EYA1: variants seen among roughly 807,000 people sequenced by gnomAD.
EYA1 encodes protein phosphatase EYA1.
EYA1 carries 16 observed loss-of-function variants against 82.0 expected under a neutral mutation model. That is an observed-to-expected ratio of 0.20 (90% CI 0.13 to 0.30). The LOEUF is 0.30. EYA1 is among the 10% of genes least tolerant of loss of function. EYA1 has a pLI of 1.00. For missense variants in EYA1, 633 were observed against 730.7 expected (o/e 0.87, Z 1.54); for synonymous variants, 261 against 264.4 (o/e 0.99, Z 0.12).
intron 9 of EYA1, among the ~76,000 whole-genome samples, chr8:71,277,710 T>G (rs538151383): frequency 2.0e-4 from 30 of 152,332 alleles, no homozygotes; most frequent in African/African-American, 6.5e-4. Flanking sequence ...ACAGTGGTAT[T>G]CATGTTTGCA....
chr8:71,259,747 C>T (rs144619052), intron 11 of EYA1, among the ~76,000 whole-genome samples: 15 of 152,268 alleles, frequency 9.9e-5, no homozygotes, highest in Non-Finnish European at 1.9e-4. Context: ...TGTTGTTTAT[C>T]TCTTTTGGGG....
chr8:71,247,348 G>C (rs1319480792), intron 11 of EYA1, among the ~76,000 whole-genome samples: 1 of 152,166 alleles, frequency 6.6e-6, no homozygotes, highest in Non-Finnish European at 1.5e-5. Context: ...TTTTCTGCCA[G>C]CTGACTGACA....
intron 17 of EYA1, among the ~76,000 whole-genome samples, chr8:71,205,492 TC>T (rs2128816886): frequency 6.6e-6 from 1 of 152,312 alleles, no homozygotes; most frequent in South Asian, 2.1e-4. Flanking sequence ...GGTAGAGACT[TC>T]CCACAATCTT....
intron 2 of EYA1, among the ~76,000 whole-genome samples, chr8:71,442,738 G>A (rs1408008745): frequency 2.0e-5 from 3 of 152,076 alleles, no homozygotes; most frequent in Non-Finnish European, 4.4e-5. Context: ...CTACCATAAC[G>A]ATTTACAAAC....
intron 2 of EYA1, among the ~76,000 whole-genome samples, chr8:71,492,725 A>G (rs1274382860): frequency 1.3e-5 from 2 of 152,124 alleles, no homozygotes; most frequent in African/African-American, 2.4e-5. Context: ...TCGACCTCCC[A>G]AAGTGCTGGG....
rs1252065674 is a variant in EYA1 at position 71,198,862 on chromosome 8, ATAAG to A, written c.*474_*477del. 1.2e-5 allele frequency: 2 copies of A among 161,866 alleles called. No individual in the cohort carries two copies. Among genetic ancestry groups the A allele is most frequent in the Non-Finnish European group, 2.7e-5 (2 of 73,180 alleles). The allele number at this position is 161,866 out of a possible 1,614,324, so 10.0% of individuals were successfully genotyped here. On this transcript the variant is annotated 3_prime_UTR_variant, in exon 18 of 18. Transcript: ENST00000340726. Reference sequence around the variant, plus strand: ...CTTTTTAAAAAAAGTCTGTTCATAAATAAGTAGAGATGTACAGATTACCCTGGGT... The same window carrying A: ...CTTTTTAAAAAAAGTCTGTTCATAAATAGAGATGTACAGATTACCCTGGGT...
chr8:71,384,051 G>A (rs1405429004), intron 2 of EYA1, among the ~76,000 whole-genome samples: 1 of 151,614 alleles, frequency 6.6e-6, no homozygotes, highest in Non-Finnish European at 1.5e-5. Context: ...ATCTCAGAGA[G>A]AGCAACTACA....
chr8:71,509,699 G>T (rs1164658854), intron 2 of EYA1, among the ~76,000 whole-genome samples: 1 of 152,126 alleles, frequency 6.6e-6, no homozygotes, highest in East Asian at 1.9e-4. Context: ...ACACGCTTCA[G>T]TAAGGATGTG....
At chr8:71,339,330 C>A (rs892636513) in intron 3 of EYA1, among the ~76,000 whole-genome samples, 2 of 152,156 alleles carry the variant, frequency 1.3e-5, no homozygotes, top group African/African-American at 4.8e-5. Flanking sequence ...GGCAATCTCT[C>A]ATTGTTCACT....
In EYA1 at chr8:71,299,671, G is replaced by A. The variant is rs779794874; in HGVS notation, c.606C>T (p.Leu202=). 5 of 1,595,686 alleles carry A rather than the reference G, an allele frequency of 3.1e-6. No homozygotes were observed. The African/African-American group carries it at 6.7e-5, about 21-fold the overall frequency. The stretch of plus-strand genomic sequence containing the variant: ...AACTATTAAATCCAGAGGAATTTGT[G>A]AGTGAATTATTTCCTGTATATATTC... ...SSGIYTGNNS[L]TNSSGFNSSQ... The change falls in exon 8 of 18, where the codon CTC becomes CTT. Residue 202 remains leucine (L), a synonymous_variant. Coordinates refer to ENST00000340726, the MANE Select transcript of EYA1 (RefSeq NM_000503.6).
chr8:71,396,032 G>T (rs1829589588), intron 2 of EYA1, among the ~76,000 whole-genome samples: 1 of 152,138 alleles, frequency 6.6e-6, no homozygotes. Context: ...GGGTGTATGT[G>T]TCGAGGAATT....
chr8:71,370,330 G>C (rs1828006479), intron 2 of EYA1, among the ~76,000 whole-genome samples: 3 of 149,594 alleles, frequency 2.0e-5, no homozygotes, highest in Non-Finnish European at 3.0e-5. Context: ...TAGTTAGCTG[G>C]TCTATCGGCC....
At chr8:71,428,985 G>C (rs893763270) in intron 2 of EYA1, among the ~76,000 whole-genome samples, 2 of 152,140 alleles carry the variant, frequency 1.3e-5, no homozygotes, top group Non-Finnish European at 2.9e-5. Flanking sequence ...CCTGTCTGCA[G>C]AGAGGCCCAG....
chr8:71,307,499 T>C (rs1434471958), intron 7 of EYA1, among the ~76,000 whole-genome samples: 1 of 152,118 alleles, frequency 6.6e-6, no homozygotes, highest in Non-Finnish European at 1.5e-5. Flanking sequence ...AACTACATGA[T>C]GTATAAAGGA....
chr8:71,455,988 G>C (rs1807865602), intron 2 of EYA1, among the ~76,000 whole-genome samples: 1 of 152,210 alleles, frequency 6.6e-6, no homozygotes, highest in Admixed American at 6.5e-5. Flanking sequence ...CAGATGACAT[G>C]ATTGTATATG....
chr8:71,485,127 G>C (rs917042564), intron 2 of EYA1, among the ~76,000 whole-genome samples: 3 of 152,216 alleles, frequency 2.0e-5, no homozygotes, highest in Non-Finnish European at 2.9e-5. Flanking sequence ...GTTAAAGTTT[G>C]TGATTTATTG....
chr8:71,462,349 G>A (rs1278734444), intron 2 of EYA1, among the ~76,000 whole-genome samples: 2 of 152,150 alleles, frequency 1.3e-5, no homozygotes, highest in South Asian at 2.1e-4. Flanking sequence ...ACACCCAGCC[G>A]GGCTCAGCTC....
chr8:71,227,908 A>G (rs1810748113), intron 12 of EYA1, among the ~76,000 whole-genome samples: 1 of 152,204 alleles, frequency 6.6e-6, no homozygotes, highest in African/African-American at 2.4e-5. Context: ...TATGAACTTC[A>G]GTTAACTTAT....
At chr8:71,252,323 T>C (rs1213054357) in intron 11 of EYA1, among the ~76,000 whole-genome samples, 2 of 151,972 alleles carry the variant, frequency 1.3e-5, no homozygotes, top group East Asian at 2.0e-4. Context: ...TGAAGTGCTA[T>C]ATGTATTGTG....
Sources: gnomAD v4.1 joint callset for allele counts (sites outside exome capture counted in the v4.1 genomes callset) on GRCh38, gnomAD v4.1.1 for gene constraint, MANE v1.5 for transcripts, NCBI Gene and HGNC (gene_info 2026-07-23, HGNC 2026-07-21) for gene names.